PLAC1: variants seen among roughly 807,000 people sequenced by gnomAD.
The protein encoded by PLAC1 is placenta-specific protein 1.
For missense variants in PLAC1, 136 were observed against 163.2 expected, an observed-to-expected ratio of 0.83 and a Z score of 0.91; for synonymous variants, 68 against 62.1, an observed-to-expected ratio of 1.09 and a Z score of -0.44.
upstream of PLAC1, among the ~76,000 whole-genome samples, chrX:134,660,106 A>AT (rs66486462): frequency 0.013 from 1,254 of 96,467 alleles, 22 homozygotes; most frequent in African/African-American, 0.041. Flanking sequence ...ATGTTCAAAG[A>AT]TTTTTTTTTT....
intron 2 of PLAC1, among the ~76,000 whole-genome samples, chrX:134,585,519 T>C (rs1258501585): frequency 9.0e-6 from 1 of 111,008 alleles, no homozygotes; most frequent in Non-Finnish European, 1.9e-5. Flanking sequence ...GAGGGATATC[T>C]GTGAGTTGCT....
intron 2 of PLAC1, among the ~76,000 whole-genome samples, chrX:134,585,181 A>AAG (rs2077993782): frequency 1.0e-5 from 1 of 98,206 alleles, no homozygotes; most frequent in Admixed American, 1.1e-4. Context: ...AGTACAAAAA[A>AAG]AAAAAAAAAA....
intron 2 of PLAC1, among the ~76,000 whole-genome samples, chrX:134,567,774 A>G (rs1343879082): frequency 1.5e-4 from 14 of 93,046 alleles, no homozygotes; most frequent in Non-Finnish European, 2.5e-4. Context: ...AAAAAAAAAA[A>G]GGGAAGAAAG....
chrX:134,713,302 G>A (rs1407719228), intron 2 of PLAC1, among the ~76,000 whole-genome samples: 2 of 112,327 alleles, frequency 1.8e-5, no homozygotes, highest in African/African-American at 6.5e-5. Context: ...ATAATATTCT[G>A]TTATGAATAG....
upstream of PLAC1, among the ~76,000 whole-genome samples, chrX:134,662,512 T>C (rs774701128): frequency 1.8e-5 from 2 of 112,561 alleles, no homozygotes; most frequent in South Asian, 7.4e-4. Context: ...TCTATTGTTG[T>C]GTTGATTGTC....
At chrX:134,751,778 C>G (rs1290340298) in intron 1 of PLAC1, among the ~76,000 whole-genome samples, 2 of 111,849 alleles carry the variant, frequency 1.8e-5, no homozygotes, top group Admixed American at 9.5e-5. Context: ...TTTTGTCAAC[C>G]CTTCTCTCAT....
intron 1 of PLAC1, among the ~76,000 whole-genome samples, chrX:134,604,966 C>T (rs2078115560): frequency 9.0e-6 from 1 of 111,627 alleles, no homozygotes; most frequent in Admixed American, 9.5e-5. Flanking sequence ...TCAGAGCAGG[C>T]ATTTTCAGGC....
At chrX:134,603,360 C>CA (rs1390587674) in intron 1 of PLAC1, among the ~76,000 whole-genome samples, 1 of 53,753 alleles carries the variant, frequency 1.9e-5, no homozygotes, top group Non-Finnish European at 3.1e-5. Flanking sequence ...TTTTTTGAGA[C>CA]AGAGTCTTGC....
At chrX:134,601,088 A>G (rs2078086809) in intron 2 of PLAC1, 1 of 110,078 alleles carries the variant, frequency 9.1e-6, no homozygotes, top group African/African-American at 3.3e-5. Flanking sequence ...ACACACACAC[A>G]CACAAACACA....
chrX:134,735,838 T>C (rs2078701640), intron 1 of PLAC1, among the ~76,000 whole-genome samples: 1 of 109,204 alleles, frequency 9.2e-6, no homozygotes, highest in Non-Finnish European at 1.9e-5. Flanking sequence ...ATATAGTATG[T>C]CTCTGGGCAC....
chrX:134,651,624 A>G (rs1445773161), intron 1 of PLAC1, among the ~76,000 whole-genome samples: 2 of 111,347 alleles, frequency 1.8e-5, no homozygotes, highest in African/African-American at 3.3e-5. Flanking sequence ...TGTCAGCGCC[A>G]TGGGTTCTCC....
intron 2 of PLAC1, among the ~76,000 whole-genome samples, chrX:134,597,705 G>A (rs1380845052): frequency 8.9e-6 from 1 of 112,150 alleles, no homozygotes; most frequent in Non-Finnish European, 1.9e-5. Flanking sequence ...TCACCACTCA[G>A]CCTTTGCATG....
rs989287100 is a variant in PLAC1 at position 134,566,401 on chromosome X, G to A, written c.282C>T (p.Tyr94=). 5.8e-6 allele frequency: 7 copies of A among 1,209,556 alleles called. No individual in the cohort carries two copies. Among genetic ancestry groups the A allele is most frequent in the Non-Finnish European group, 7.8e-6 (7 of 894,627 alleles). The change falls in exon 3 of 3, where the codon TAC becomes TAT. Residue 94 remains tyrosine (Y), a synonymous_variant. Coordinates refer to ENST00000359237, the MANE Select transcript of PLAC1 (RefSeq NM_021796.4). ...TAGAAGAGTAGTGTATCTCAGTGCT[G>A]TAGATAACCATGTCCTGAGAGACAG... ...AKAVSQDMVI[Y]STEIHYSSKG... is the part of the protein sequence containing the mutation.
chrX:134,757,526 G>A (rs1239042219), intron 1 of PLAC1, among the ~76,000 whole-genome samples: 1 of 112,211 alleles, frequency 8.9e-6, no homozygotes, highest in Non-Finnish European at 1.9e-5. Flanking sequence ...ACAAGTACAT[G>A]AATTTGTATG....
At chrX:134,648,404 C>T (rs1172036691) in intron 1 of PLAC1, among the ~76,000 whole-genome samples, 2 of 112,307 alleles carry the variant, frequency 1.8e-5, no homozygotes, top group Admixed American at 9.4e-5. Context: ...ATTTAAAAAA[C>T]GTGGAGGCTG....
intron 2 of PLAC1, among the ~76,000 whole-genome samples, chrX:134,721,403 C>A (rs1475930118): frequency 2.7e-5 from 3 of 109,547 alleles, no homozygotes; most frequent in Non-Finnish European, 3.8e-5. Context: ...AATGACCCCA[C>A]CTCTGAAAAA....
chrX:134,636,539 G>A (rs1404097625), intron 1 of PLAC1, among the ~76,000 whole-genome samples: 3 of 112,366 alleles, frequency 2.7e-5, no homozygotes, highest in African/African-American at 6.5e-5. Flanking sequence ...GCCAAATGCT[G>A]ATGAGATTCA....
chrX:134,645,981 G>C (rs1016431132), intron 1 of PLAC1, among the ~76,000 whole-genome samples: 2 of 112,001 alleles, frequency 1.8e-5, no homozygotes, highest in Admixed American at 1.9e-4. Flanking sequence ...TGTGCAAATA[G>C]AGCCAAACCT....
At chrX:134,568,774 G>A (rs1193597016) in intron 2 of PLAC1, among the ~76,000 whole-genome samples, 5 of 111,536 alleles carry the variant, frequency 4.5e-5, no homozygotes, top group African/African-American at 1.6e-4. Flanking sequence ...AGCTGGTCCT[G>A]GATGACTCAA....
Sources: gnomAD v4.1 joint callset for allele counts (sites outside exome capture counted in the v4.1 genomes callset) on GRCh38, gnomAD v4.1.1 for gene constraint, MANE v1.5 for transcripts, NCBI Gene and HGNC (gene_info 2026-07-23, HGNC 2026-07-21) for gene names.